The following DPYD variants were observed in gnomAD, a reference collection of about 807,000 sequenced individuals.
DPYD encodes the protein dihydropyrimidine dehydrogenase [NADP(+)].
A neutral mutation model predicts 116.2 loss-of-function variants in DPYD; 109 were observed. The ratio of observed to expected loss-of-function variants is 0.94; its 90% CI spans 0.80 to 1.10. DPYD has a LOEUF of 1.10. Among genes scored for constraint, DPYD ranks in the 50% least tolerant of loss-of-function variants. The pLI is 0.00. For missense variants in DPYD, 1,302 were observed against 1,254.5 expected (o/e 1.04, Z -0.57); for synonymous variants, 440 against 432.0 (o/e 1.02, Z -0.23).
intron 14 of DPYD, among the ~76,000 whole-genome samples, chr1:97,395,926 C>A (rs1203407829): frequency 1.3e-5 from 2 of 152,030 alleles, no homozygotes; most frequent in Non-Finnish European, 2.9e-5. Flanking sequence ...CCCTAGCCCA[C>A]CTGGAACTTG....
At chr1:97,751,466 A>ATATATATATG (rs1664911495) in intron 3 of DPYD, among the ~76,000 whole-genome samples, 1 of 77,036 alleles carries the variant, frequency 1.3e-5, no homozygotes, top group South Asian at 5.2e-4. Flanking sequence ...GTGTGTATAT[A>ATATATATATG]TATATATATA....
chr1:97,548,061 G>C (rs951088257), intron 12 of DPYD, among the ~76,000 whole-genome samples: 1 of 152,132 alleles, frequency 6.6e-6, no homozygotes, highest in Non-Finnish European at 1.5e-5. Flanking sequence ...GAAATTAAAG[G>C]AAGCATTAAA....
At chr1:97,629,098 A>C (rs919573439) in intron 8 of DPYD, among the ~76,000 whole-genome samples, 2 of 152,058 alleles carry the variant, frequency 1.3e-5, no homozygotes, top group Non-Finnish European at 2.9e-5. Context: ...TTAACATTAA[A>C]AATAAGTCAT....
intron 5 of DPYD, among the ~76,000 whole-genome samples, chr1:97,707,330 A>C (rs1296562114): frequency 6.6e-6 from 1 of 152,002 alleles, no homozygotes; most frequent in Non-Finnish European, 1.5e-5. Flanking sequence ...TTTAGGGTAC[A>C]TGTGCACATT....
At chr1:97,384,959 G>C (rs1464301128) in intron 14 of DPYD, among the ~76,000 whole-genome samples, 1 of 152,026 alleles carries the variant, frequency 6.6e-6, no homozygotes, top group East Asian at 1.9e-4. Flanking sequence ...TTGAGTTTAG[G>C]ATTCAATTTT....
At chr1:97,305,857 A>G (rs921022443) in intron 17 of DPYD, among the ~76,000 whole-genome samples, 6 of 151,912 alleles carry the variant, frequency 3.9e-5, no homozygotes, top group African/African-American at 1.4e-4. Context: ...AATATATTGA[A>G]TTGTTACATT....
chr1:97,354,732 G>C (rs1468711129), intron 16 of DPYD, among the ~76,000 whole-genome samples: 1 of 152,118 alleles, frequency 6.6e-6, no homozygotes, highest in African/African-American at 2.4e-5. Flanking sequence ...TCCTTCTCAG[G>C]ATCTTCTCAC....
intron 1 of DPYD, among the ~76,000 whole-genome samples, chr1:97,892,810 G>A (rs1464627694): frequency 6.6e-6 from 1 of 151,748 alleles, no homozygotes; most frequent in East Asian, 1.9e-4. Context: ...ATGAAGGAAA[G>A]AATCTCTGAT....
At chr1:97,868,289 T>C (rs1041689446) in intron 2 of DPYD, among the ~76,000 whole-genome samples, 6 of 151,752 alleles carry the variant, frequency 4.0e-5, no homozygotes, top group Non-Finnish European at 8.8e-5. Flanking sequence ...CCTTGACAAA[T>C]GGGGCCACAG....
At chr1:97,282,856 G>T (rs1383941965) in intron 18 of DPYD, among the ~76,000 whole-genome samples, 3 of 152,064 alleles carry the variant, frequency 2.0e-5, no homozygotes, top group African/African-American at 7.2e-5. Flanking sequence ...TTAGGATAAT[G>T]GCCTCCAGCT....
chr1:97,772,018 G>A (rs1300071156), intron 3 of DPYD, among the ~76,000 whole-genome samples: 1 of 151,984 alleles, frequency 6.6e-6, no homozygotes, highest in Non-Finnish European at 1.5e-5. Context: ...ATTCTTTCTT[G>A]TATTCTTTAT....
intron 1 of DPYD, among the ~76,000 whole-genome samples, chr1:97,890,514 C>T (rs1378333704): frequency 6.6e-6 from 1 of 151,660 alleles, no homozygotes; most frequent in Admixed American, 6.6e-5. Context: ...TGGTGTATTC[C>T]TTATGATGAA....
intron 18 of DPYD, among the ~76,000 whole-genome samples, chr1:97,284,531 C>A (rs566674111): frequency 2.5e-4 from 38 of 152,090 alleles, no homozygotes; most frequent in Middle Eastern, 3.4e-3. Context: ...ATGGCTATAT[C>A]TTTTAATGTG....
chr1:97,746,672 C>T (rs192174067), intron 3 of DPYD, among the ~76,000 whole-genome samples: 1 of 152,142 alleles, frequency 6.6e-6, no homozygotes, highest in African/African-American at 2.4e-5. Context: ...ACATTAATAA[C>T]TGCAAAGGAG....
chr1:97,249,878 C>G (rs1557971978), intron 18 of DPYD, among the ~76,000 whole-genome samples: 1 of 152,092 alleles, frequency 6.6e-6, no homozygotes, highest in Non-Finnish European at 1.5e-5. Context: ...CCATTTTAGG[C>G]CCACAGGAAT....
intron 12 of DPYD, among the ~76,000 whole-genome samples, chr1:97,542,195 T>C (rs758460894): frequency 2.0e-5 from 3 of 152,184 alleles, no homozygotes; most frequent in Admixed American, 2.0e-4. Context: ...TCTCTCATTT[T>C]TCCTATATAA....
chr1:97,572,538 T>C (rs2102177276), intron 11 of DPYD, among the ~76,000 whole-genome samples: 1 of 152,122 alleles, frequency 6.6e-6, no homozygotes, highest in South Asian at 2.1e-4. Context: ...AACATTTTAC[T>C]CAATTTTTGG....
chr1:97,186,104 C>CATTTAT (rs1657979166), intron 20 of DPYD, among the ~76,000 whole-genome samples: 1 of 152,020 alleles, frequency 6.6e-6, no homozygotes, highest in Non-Finnish European at 1.5e-5. Flanking sequence ...TTGACATTTA[C>CATTTAT]ACATTTCTTT....
chr1:97,601,232 A>G (rs904569503), intron 8 of DPYD, among the ~76,000 whole-genome samples: 1 of 152,088 alleles, frequency 6.6e-6, no homozygotes, highest in African/African-American at 2.4e-5. Context: ...TTGGAAAATT[A>G]GGTAGAAAAG....
Sources: gnomAD v4.1 joint callset for allele counts (sites outside exome capture counted in the v4.1 genomes callset) on GRCh38, gnomAD v4.1.1 for gene constraint, MANE v1.5 for transcripts, NCBI Gene and HGNC (gene_info 2026-07-23, HGNC 2026-07-21) for gene names.